The following CLSTN2 variants were observed in gnomAD, a reference collection of about 807,000 sequenced individuals.
CLSTN2 encodes the protein calsyntenin 2, also known as calsyntenin-2.
In CLSTN2, 48 loss-of-function variants were observed where a neutral mutation model predicts 101.2. The ratio of observed to expected loss-of-function variants is 0.47; its 90% CI spans 0.38 to 0.60. CLSTN2 has a LOEUF of 0.60. Among genes scored for constraint, CLSTN2 ranks in the 20% least tolerant of loss-of-function variants. The probability of loss-of-function intolerance (pLI) is 0.00; values close to 1 mark genes in which losing one functional copy is unlikely to be tolerated. For synonymous variants in CLSTN2, 481 were observed against 463.6 expected, an observed-to-expected ratio of 1.04 and a Z score of -0.48; for missense variants, 1,160 against 1,238.2, an observed-to-expected ratio of 0.94 and a Z score of 0.95.
intron 1 of CLSTN2, among the ~76,000 whole-genome samples, chr3:140,120,100 A>T (rs72984188): frequency 0.04 from 6,093 of 152,146 alleles, 312 homozygotes; most frequent in African/African-American, 0.11. Flanking sequence ...TTCAATTTTG[A>T]CACTACCTGT....
intron 8 of CLSTN2, among the ~76,000 whole-genome samples, chr3:140,486,818 C>G (rs1290993051): frequency 6.6e-6 from 1 of 152,138 alleles, no homozygotes; most frequent in Non-Finnish European, 1.5e-5. Context: ...ACCTTCAAAC[C>G]CTGAATTGGA....
At chr3:140,069,231 A>G (rs1201831334) in intron 1 of CLSTN2, among the ~76,000 whole-genome samples, 1 of 152,130 alleles carries the variant, frequency 6.6e-6, no homozygotes, top group Non-Finnish European at 1.5e-5. Context: ...CTCTCTGTAT[A>G]TAGCAAAACA....
chr3:140,038,239 C>T (rs753227674), intron 1 of CLSTN2, among the ~76,000 whole-genome samples: 1 of 152,158 alleles, frequency 6.6e-6, no homozygotes. Flanking sequence ...AATCACCATT[C>T]TGACTGGCAT....
intron 9 of CLSTN2, among the ~76,000 whole-genome samples, chr3:140,537,494 G>T (rs889762289): frequency 3.9e-5 from 6 of 152,106 alleles, no homozygotes; most frequent in Non-Finnish European, 7.3e-5. Flanking sequence ...GATGAACCTA[G>T]CATCACAAAA....
chr3:140,074,279 C>T (rs998974944), intron 1 of CLSTN2, among the ~76,000 whole-genome samples: 2 of 152,080 alleles, frequency 1.3e-5, no homozygotes, highest in African/African-American at 2.4e-5. Context: ...GAGATAATTC[C>T]TCACCTTGCC....
At chr3:140,401,922 A>T (rs916973570) in intron 2 of CLSTN2, among the ~76,000 whole-genome samples, 3 of 152,212 alleles carry the variant, frequency 2.0e-5, no homozygotes, top group African/African-American at 7.2e-5. Context: ...TGATCCCAAA[A>T]AACGGAAGTG....
intron 2 of CLSTN2, among the ~76,000 whole-genome samples, chr3:140,306,848 T>TTTTTTATTATTA (rs767586358): frequency 1.5e-3 from 212 of 141,960 alleles, no homozygotes; most frequent in African/African-American, 4.9e-3. Flanking sequence ...TTTTTGTCTT[T>TTTTTTATTATTA]TTATTATTAT....
In CLSTN2 at chr3:140,576,003, C is replaced by A. The variant is rs1398854684; in HGVS notation, c.*9750C>A. On this transcript the variant is annotated 3_prime_UTR_variant, in exon 17 of 17. Transcript: ENST00000458420. The stretch of plus-strand genomic sequence containing the variant: ...TCAAAGCAGTGGGAATAGTGCTTGG[C>A]ACATAGTAGGAGTTTGGTAAACATT... The A allele has an allele frequency of 6.6e-6, 1 of 152,144 alleles. No homozygotes were observed. The highest frequency in any genetic ancestry group is 1.5e-5 in the Non-Finnish European group (1 of 68,032). The allele number at this position is 152,144 out of a possible 1,614,324, so 9.4% of individuals were successfully genotyped here.
chr3:139,953,440 A>G lies in CLSTN2; in HGVS notation c.109+17957A>G, dbSNP rs140103511. On this transcript the variant is annotated intron_variant, in intron 1 of 16. Transcript: ENST00000458420. ...ATTTGCAGGCATAGAGGGTGGTTGT[A>G]GCTGTCAGTGCTGTGCCTGTATCCC... Among the ~76,000 whole-genome samples the G allele has an allele frequency of 1.0e-3, 157 of 152,262 alleles. 1 individual carries two copies. The highest frequency in any genetic ancestry group is 3.7e-3 in the African/African-American group (153 of 41,524).
intron 1 of CLSTN2, among the ~76,000 whole-genome samples, chr3:140,158,774 A>G (rs1440450229): frequency 6.6e-6 from 1 of 152,206 alleles, no homozygotes; most frequent in Non-Finnish European, 1.5e-5. Context: ...CCTGATTTCA[A>G]ACTATGCTAT....
At chr3:140,415,023 A>G (rs1046643358) in intron 4 of CLSTN2, among the ~76,000 whole-genome samples, 1 of 152,104 alleles carries the variant, frequency 6.6e-6, no homozygotes, top group Non-Finnish European at 1.5e-5. Flanking sequence ...GAACCCAGAA[A>G]TAAATTCACA....
rs80239249 is a variant in CLSTN2, at chr3:140,040,422, C to G, written c.109+104939C>G. On this transcript the variant is annotated intron_variant, in intron 1 of 16. Coordinates refer to ENST00000458420, the MANE Select transcript of CLSTN2 (RefSeq NM_022131.3). ...GCATAGGTTAGATATAGTCAAATTACTTAACAGAACAGTTACAAGGTGTGT... is the reference window on the plus strand; with the variant it reads ...GCATAGGTTAGATATAGTCAAATTAGTTAACAGAACAGTTACAAGGTGTGT... Among the ~76,000 whole-genome samples, 434 of 152,184 alleles carry G rather than the reference C, an allele frequency of 2.9e-3. 2 individuals are homozygous for G. The highest frequency in any genetic ancestry group is 9.9e-3 in the African/African-American group (412 of 41,536).
intron 1 of CLSTN2, among the ~76,000 whole-genome samples, chr3:140,061,101 C>T (rs540598759): frequency 3.0e-4 from 46 of 152,272 alleles, no homozygotes; most frequent in African/African-American, 1.1e-3. Context: ...TCTGATTTCT[C>T]CTAAGCTGCC....
Position 140,562,142 on chromosome 3 carries a change from C to A in CLSTN2, c.2046C>A (p.Pro682=). The change falls in exon 13 of 17, where the codon CCC becomes CCA. Residue 682 remains proline (P), a synonymous_variant. Transcript: ENST00000458420. ...EAPGDVKTTD[P]KSEVLEEMLH... is the part of the protein sequence containing the mutation. ...CCCATGTCTGTCTTCCTACAGACCC[C>A]AAATCAGAAGTCTTAGAGGAAATGC... 6.2e-7 allele frequency: 1 copy of A among 1,613,770 alleles called. No individual in the cohort carries two copies. The highest frequency in any genetic ancestry group is 1.3e-5 in the African/African-American group (1 of 75,036).
At chr3:140,363,285 T>C (rs892664951) in intron 2 of CLSTN2, among the ~76,000 whole-genome samples, 6 of 152,132 alleles carry the variant, frequency 3.9e-5, no homozygotes, top group Middle Eastern at 3.2e-3. Context: ...GGCAAACCTA[T>C]AGAGAGAGAA....
intron 1 of CLSTN2, among the ~76,000 whole-genome samples, chr3:140,067,824 G>T (rs72984125): frequency 1.3e-5 from 2 of 152,300 alleles, no homozygotes; most frequent in African/African-American, 4.8e-5. Context: ...AAAATAAGCA[G>T]TCTTCTTACC....
At chr3:139,970,271 C>T (rs1000092439) in intron 1 of CLSTN2, among the ~76,000 whole-genome samples, 3 of 152,116 alleles carry the variant, frequency 2.0e-5, no homozygotes, top group Non-Finnish European at 4.4e-5. Flanking sequence ...CACATCCCTG[C>T]CACACAGGGT....
intron 9 of CLSTN2, among the ~76,000 whole-genome samples, chr3:140,536,169 G>C (rs770138696): frequency 2.0e-5 from 3 of 151,984 alleles, no homozygotes; most frequent in Non-Finnish European, 4.4e-5. Flanking sequence ...TCTACTAGCT[G>C]TACGGACCCA....
At chr3:140,455,754 G>T (rs1933382945) in intron 6 of CLSTN2, among the ~76,000 whole-genome samples, 1 of 152,196 alleles carries the variant, frequency 6.6e-6, no homozygotes, top group Non-Finnish European at 1.5e-5. Context: ...GGATCCCTGG[G>T]GAGAAGAGAG....
Sources: allele counts gnomAD v4.1 joint callset (sites outside exome capture counted in the v4.1 genomes callset), GRCh38; gene constraint gnomAD v4.1.1; transcripts MANE v1.5; gene names NCBI Gene and HGNC (gene_info 2026-07-23, HGNC 2026-07-21).